Variants in TMEFF2 observed in about 807,000 individuals in gnomAD.
The protein encoded by TMEFF2 is transmembrane protein with EGF like and two follistatin like domains 2.
TMEFF2 carries 28 observed loss-of-function variants against 53.8 expected under a neutral mutation model. The ratio of observed to expected loss-of-function variants is 0.52; its 90% CI spans 0.39 to 0.71. TMEFF2 has a LOEUF of 0.71. Ranked by LOEUF, TMEFF2 falls within the 30% of genes least tolerant of loss-of-function variation. The pLI is 0.00. For missense variants in TMEFF2, 353 were observed against 455.2 expected, an observed-to-expected ratio of 0.78 and a Z score of 2.04; for synonymous variants, 162 against 166.3, an observed-to-expected ratio of 0.97 and a Z score of 0.20.
intron 4 of TMEFF2, among the ~76,000 whole-genome samples, chr2:192,165,918 A>G (rs7570089): frequency 0.013 from 2,048 of 152,310 alleles, 49 homozygotes; most frequent in African/African-American, 0.045. Flanking sequence ...AAAATTCAGA[A>G]TTAGTTGAAA....
At chr2:192,125,131 A>G (rs1689646175) in intron 4 of TMEFF2, among the ~76,000 whole-genome samples, 2 of 152,208 alleles carry the variant, frequency 1.3e-5, no homozygotes, top group African/African-American at 4.8e-5. Flanking sequence ...GAACAGAATT[A>G]TATTTTTAAA....
intron 4 of TMEFF2, among the ~76,000 whole-genome samples, chr2:192,172,122 A>G (rs1690931310): frequency 6.6e-6 from 1 of 151,880 alleles, no homozygotes; most frequent in Admixed American, 6.6e-5. Flanking sequence ...GGTGGGGTAT[A>G]AAAGCTCAGC....
chr2:191,965,500 G>A (rs1422282008), intron 7 of TMEFF2, among the ~76,000 whole-genome samples: 3 of 152,114 alleles, frequency 2.0e-5, no homozygotes, highest in South Asian at 4.1e-4. Flanking sequence ...TTCTAGAAGA[G>A]AAAACGTGAG....
intron 4 of TMEFF2, among the ~76,000 whole-genome samples, chr2:192,087,746 A>T (rs1688699147): frequency 6.6e-6 from 1 of 152,120 alleles, no homozygotes; most frequent in Non-Finnish European, 1.5e-5. Context: ...TGCTCTTCTG[A>T]GGAAGTTCTC....
At chr2:192,084,169 CA>C (rs1192535012) in intron 4 of TMEFF2, among the ~76,000 whole-genome samples, 1 of 152,136 alleles carries the variant, frequency 6.6e-6, no homozygotes, top group African/African-American at 2.4e-5. Context: ...ACCCTAAAGT[CA>C]GGCTCTTCCG....
At chr2:192,182,442 C>A (rs1365279256) in intron 3 of TMEFF2, among the ~76,000 whole-genome samples, 5 of 151,908 alleles carry the variant, frequency 3.3e-5, no homozygotes, top group Non-Finnish European at 7.4e-5. Flanking sequence ...CTGTAGAAAT[C>A]TAAGTATGTG....
intron 4 of TMEFF2, among the ~76,000 whole-genome samples, chr2:192,075,285 T>TTATATATATA (rs111733023): frequency 1.2e-4 from 8 of 65,748 alleles, no homozygotes; most frequent in African/African-American, 4.3e-4. Flanking sequence ...TACAGTACTA[T>TTATATATATA]TATATATATA....
chr2:192,117,887 T>C (rs536579397), intron 4 of TMEFF2, among the ~76,000 whole-genome samples: 73 of 151,872 alleles, frequency 4.8e-4, no homozygotes, highest in African/African-American at 1.7e-3. Context: ...GAAAATTCTA[T>C]AACCAGTGCT....
intron 4 of TMEFF2, among the ~76,000 whole-genome samples, chr2:192,150,228 C>T (rs12105334): frequency 0.018 from 2,741 of 151,934 alleles, 75 homozygotes; most frequent in African/African-American, 0.054. Context: ...AAAAAATATA[C>T]AAACAAGGAT....
intron 4 of TMEFF2, among the ~76,000 whole-genome samples, chr2:192,122,422 G>A (rs1221691491): frequency 1.3e-5 from 2 of 152,122 alleles, no homozygotes; most frequent in Non-Finnish European, 2.9e-5. Context: ...TTATTTTAAG[G>A]TTTCAGAAAA....
At chr2:191,957,083 T>A (rs1692126271) in intron 7 of TMEFF2, among the ~76,000 whole-genome samples, 1 of 152,216 alleles carries the variant, frequency 6.6e-6, no homozygotes, top group Non-Finnish European at 1.5e-5. Flanking sequence ...AAACTTACGA[T>A]AACGAATAAA....
At chr2:191,991,780 A>G (rs1393130615) in intron 7 of TMEFF2, among the ~76,000 whole-genome samples, 1 of 152,150 alleles carries the variant, frequency 6.6e-6, no homozygotes, top group Non-Finnish European at 1.5e-5. Context: ...GAACTGGTGC[A>G]TAAATACAAA....
intron 5 of TMEFF2, among the ~76,000 whole-genome samples, chr2:192,011,894 C>G (rs1226510829): frequency 6.7e-6 from 1 of 149,696 alleles, no homozygotes; most frequent in Non-Finnish European, 1.5e-5. Flanking sequence ...TACATATTAT[C>G]TTTTTTTTTT....
chr2:192,010,630 A>G (rs1157265358), intron 5 of TMEFF2, among the ~76,000 whole-genome samples: 2 of 152,188 alleles, frequency 1.3e-5, no homozygotes, highest in Non-Finnish European at 2.9e-5. Context: ...ACCAGGTACT[A>G]GGCTGAACAT....
At chr2:192,159,032 A>C (rs1045786548) in intron 4 of TMEFF2, among the ~76,000 whole-genome samples, 1 of 152,180 alleles carries the variant, frequency 6.6e-6, no homozygotes, top group South Asian at 2.1e-4. Context: ...TCACTCTCTC[A>C]AAGGACTAGA....
At chr2:192,124,150 TC>T (rs1195567535) in intron 4 of TMEFF2, among the ~76,000 whole-genome samples, 1 of 152,214 alleles carries the variant, frequency 6.6e-6, no homozygotes, top group Non-Finnish European at 1.5e-5. Flanking sequence ...ACAAATCTCA[TC>T]CAGAGCATTT....
intron 5 of TMEFF2, among the ~76,000 whole-genome samples, chr2:192,055,491 T>C (rs1267458270): frequency 6.6e-6 from 1 of 152,064 alleles, no homozygotes; most frequent in Non-Finnish European, 1.5e-5. Flanking sequence ...CATACATTTG[T>C]TGGCTGGGCG....
chr2:192,039,074 A>G (rs1687409645), intron 5 of TMEFF2, among the ~76,000 whole-genome samples: 1 of 152,090 alleles, frequency 6.6e-6, no homozygotes, highest in South Asian at 2.1e-4. Flanking sequence ...ACATTATAGT[A>G]GAAGACTTTA....
chr2:192,058,763 AC>A (rs1487723634), intron 4 of TMEFF2, among the ~76,000 whole-genome samples: 3 of 152,202 alleles, frequency 2.0e-5, no homozygotes, highest in African/African-American at 7.2e-5. Context: ...ACATTTAAAA[AC>A]AGATGTTTAA....
Sources: gnomAD v4.1 joint callset for allele counts (sites outside exome capture counted in the v4.1 genomes callset) on GRCh38, gnomAD v4.1.1 for gene constraint, MANE v1.5 for transcripts, NCBI Gene and HGNC (gene_info 2026-07-23, HGNC 2026-07-21) for gene names.